Variants in WDFY3 observed in about 807,000 individuals in gnomAD.
WDFY3 encodes WD repeat and FYVE domain containing 3.
Under a neutral mutation model 409.6 loss-of-function variants are expected in WDFY3, and 66 were observed. The observed-to-expected ratio is 0.16, with a 90% CI of 0.13 to 0.20. WDFY3 has a LOEUF of 0.20. WDFY3 is among the 10% of genes least tolerant of loss of function. The pLI is 1.00. For missense variants in WDFY3, 3,031 were observed against 4,298.1 expected (o/e 0.71, Z 8.24); for synonymous variants, 1,521 against 1,537.1 (o/e 0.99, Z 0.25).
chr4:84,753,005 G>A (rs1022425843), intron 35 of WDFY3, among the ~76,000 whole-genome samples: 1 of 152,134 alleles, frequency 6.6e-6, no homozygotes, highest in African/African-American at 2.4e-5. Flanking sequence ...ATTAGTTACT[G>A]TAATGAATAG....
intron 30 of WDFY3, among the ~76,000 whole-genome samples, chr4:84,770,373 G>A (rs532338484): frequency 7.2e-5 from 11 of 152,256 alleles, no homozygotes; most frequent in Middle Eastern, 3.4e-3. Context: ...TGCACAGATA[G>A]TAGACTACAG....
chr4:84,718,898 T>C (rs975345747), intron 47 of WDFY3, among the ~76,000 whole-genome samples: 3 of 152,110 alleles, frequency 2.0e-5, no homozygotes, highest in South Asian at 2.1e-4. Context: ...CACAGCAAAC[T>C]TGGCAGGAAA....
intron 2 of WDFY3, among the ~76,000 whole-genome samples, chr4:84,918,051 T>C (rs1222554825): frequency 2.0e-5 from 3 of 152,124 alleles, no homozygotes; most frequent in South Asian, 2.1e-4. Context: ...AGCTTGACAA[T>C]AGACTCACTT....
At chr4:84,722,520 G>A (rs977142884) in intron 46 of WDFY3, among the ~76,000 whole-genome samples, 4 of 152,082 alleles carry the variant, frequency 2.6e-5, no homozygotes, top group Non-Finnish European at 4.4e-5. Flanking sequence ...AAAATACCAG[G>A]TCAGAAAGAA....
chr4:84,869,227 T>C (rs1331769092), intron 3 of WDFY3, among the ~76,000 whole-genome samples: 4 of 152,204 alleles, frequency 2.6e-5, no homozygotes, highest in Non-Finnish European at 5.9e-5. Context: ...AATTCCAAAA[T>C]CTCACTCTGG....
intron 1 of WDFY3, among the ~76,000 whole-genome samples, chr4:84,949,525 A>G (rs1773332389): frequency 6.6e-6 from 1 of 152,224 alleles, no homozygotes; most frequent in Non-Finnish European, 1.5e-5. Flanking sequence ...AACTTAAGGT[A>G]TATCAGAGCA....
At chr4:84,927,532 T>G (rs1008776131) in intron 2 of WDFY3, among the ~76,000 whole-genome samples, 1 of 152,200 alleles carries the variant, frequency 6.6e-6, no homozygotes, top group Non-Finnish European at 1.5e-5. Context: ...GGTTTGGCTT[T>G]GTGTCCCCAC....
intron 35 of WDFY3, among the ~76,000 whole-genome samples, 155 bp downstream of exon 35, chr4:84,753,542 A>G (rs2149310103): frequency 6.6e-6 from 1 of 152,320 alleles, no homozygotes; most frequent in Non-Finnish European, 1.5e-5. Context: ...GGGACACCGG[A>G]CAATAATGCA....
At chr4:84,820,284 A>G in intron 11 of WDFY3, 98 bp from the exon 12 acceptor site, 1 of 982,572 alleles carries the variant, frequency 1.0e-6, no homozygotes, top group Non-Finnish European at 1.5e-6. Context: ...TTCAGTATTC[A>G]GTTTTACCCC....
chr4:84,689,256 G>T (rs1728848620), intron 61 of WDFY3, among the ~76,000 whole-genome samples: 1 of 152,116 alleles, frequency 6.6e-6, no homozygotes, highest in African/African-American at 2.4e-5. Context: ...TACACATGAA[G>T]TATATATATG....
In WDFY3 at chr4:84,786,077, C is replaced by T; in HGVS notation, c.3964G>A (p.Val1322Met). 1 of 1,613,738 alleles carries T rather than the reference C, an allele frequency of 6.2e-7. No individual in the cohort carries two copies. Among genetic ancestry groups the T allele is most frequent in the Non-Finnish European group, 8.5e-7 (1 of 1,179,836 alleles). The change falls in exon 24 of 68, where the codon GTG becomes ATG. Residue 1322 changes from valine to methionine, a missense_variant. Val to Met is a conservative substitution (Grantham distance 21). Coordinates refer to ENST00000295888, the MANE Select transcript of WDFY3 (RefSeq NM_014991.6). The part of the protein sequence containing the change: ...SPVSLVPEEK[V>M]SFGLYALSVS... ...GAGAGTGCATAGAGGCCAAATGACA[C>T]TTTCTCCTCTGGTACTAATGACACA...
chr4:84,872,832 T>C (rs762976371), intron 3 of WDFY3, among the ~76,000 whole-genome samples: 2 of 152,298 alleles, frequency 1.3e-5, no homozygotes, highest in Non-Finnish European at 1.5e-5. Flanking sequence ...CTGGATTCTA[T>C]TGACTTACCC....
chr4:84,706,873 T>C lies in WDFY3; in HGVS notation c.8218-1362A>G, dbSNP rs1732043214. ...CACTGAAAAGGTTGCTATAGTGAGG[T>C]TTTTCAACTCTCTCCCAAATTATGA... On this transcript the variant is annotated intron_variant, in intron 53 of 67. Transcript: ENST00000295888. 1.3e-5 allele frequency among the ~76,000 whole-genome samples: 2 copies of C among 151,836 alleles called. 1 individual carries two copies. Among genetic ancestry groups the C allele is most frequent in the Non-Finnish European group, 2.9e-5 (2 of 67,972 alleles).
intron 2 of WDFY3, among the ~76,000 whole-genome samples, chr4:84,912,444 C>T (rs1767916206): frequency 6.6e-6 from 1 of 152,102 alleles, no homozygotes; most frequent in Admixed American, 6.6e-5. Context: ...ATTGTGGGCA[C>T]AGGGTTGCTA....
rs1433692323 is a variant in WDFY3 at position 84,751,822 on chromosome 4, A to C, written c.5740-106T>G. 3 of 1,204,738 alleles carry C rather than the reference A, an allele frequency of 2.5e-6. No individual in the cohort carries two copies. In the Admixed American group the frequency reaches 5.6e-5, roughly 22 times the overall value. The allele number at this position is 1,204,738 out of a possible 1,614,324, so 74.6% of individuals were successfully genotyped here. The stretch of plus-strand genomic sequence containing the variant: ...GGAGCAGCAGCATTTTCCACCTATT[A>C]AGCTATTCAGCACATTATTTCACTC... On this transcript the variant is annotated intron_variant, in intron 35 of 67. Transcript: ENST00000295888.
intron 51 of WDFY3, among the ~76,000 whole-genome samples, chr4:84,711,890 A>G (rs530655353): frequency 4.6e-5 from 7 of 152,162 alleles, no homozygotes; most frequent in Admixed American, 3.3e-4. Context: ...GTTAGCAAGT[A>G]TCTATTGAGA....
chr4:84,856,091 A>G (rs1253403174), intron 4 of WDFY3, among the ~76,000 whole-genome samples: 1 of 152,202 alleles, frequency 6.6e-6, no homozygotes, highest in Non-Finnish European at 1.5e-5. Context: ...TGTAATAAGT[A>G]ATAAAGCTGC....
chr4:84,934,831 C>A (rs920446139), intron 1 of WDFY3, among the ~76,000 whole-genome samples: 1 of 152,084 alleles, frequency 6.6e-6, no homozygotes, highest in African/African-American at 2.4e-5. Context: ...CCCACCACCC[C>A]CTGTAACCGC....
At chr4:84,703,452 A>C (rs1731397384) in intron 55 of WDFY3, among the ~76,000 whole-genome samples, 1 of 152,166 alleles carries the variant, frequency 6.6e-6, no homozygotes, top group African/African-American at 2.4e-5. Flanking sequence ...GAAAATGCCA[A>C]AGTCCATGCC....
Sources: gnomAD v4.1 joint callset for allele counts (sites outside exome capture counted in the v4.1 genomes callset) on GRCh38, gnomAD v4.1.1 for gene constraint, MANE v1.5 for transcripts, NCBI Gene and HGNC (gene_info 2026-07-23, HGNC 2026-07-21) for gene names.